TNRC6C: variants seen among roughly 807,000 people sequenced by gnomAD.
TNRC6C encodes trinucleotide repeat containing adaptor 6C, also known as trinucleotide repeat-containing gene 6C protein.
A neutral mutation model predicts 153.7 loss-of-function variants in TNRC6C; 20 were observed. The ratio of observed to expected loss-of-function variants is 0.13; its 90% CI spans 0.09 to 0.19. The LOEUF (loss-of-function observed/expected upper bound fraction) is 0.19, where lower values mean the gene tolerates loss of function less well. Ranked by LOEUF, TNRC6C falls within the 10% of genes least tolerant of loss-of-function variation. TNRC6C has a pLI of 1.00. For synonymous variants in TNRC6C, 811 were observed against 841.4 expected (o/e 0.96, Z 0.63); for missense variants, 1,987 against 2,172.0 (o/e 0.91, Z 1.69).
At position 78,091,434 on chromosome 17, in the gene TNRC6C, C is replaced by A. The variant is rs115245526; in HGVS notation, c.3803-6C>A. The A allele has an allele frequency of 2.4e-3, 3,795 of 1,582,590 alleles. 78 individuals carry two copies. In the African/African-American group the frequency reaches 0.044, roughly 19 times the overall value. On this transcript the variant is annotated splice_region_variant and splice_polypyrimidine_tract_variant and intron_variant, in intron 13 of 19. Coordinates refer to ENST00000301624, the Ensembl canonical transcript of TNRC6C. ...AGGCGAATCCTAACCGCATCTCTCT[C>A]TTTAGCTGGACTGAACCCAAACATG...
At chr17:77,977,197 A>G (rs367815360) in intron 1 of TNRC6C, among the ~76,000 whole-genome samples, 5 of 152,028 alleles carry the variant, frequency 3.3e-5, no homozygotes, top group South Asian at 2.1e-4. Context: ...TTATCTTTTC[A>G]TAAAACTTAG....
At chr17:77,969,699 C>T (rs1372025023) in intron 1 of TNRC6C, among the ~76,000 whole-genome samples, 2 of 151,698 alleles carry the variant, frequency 1.3e-5, no homozygotes, top group Non-Finnish European at 2.9e-5. Context: ...TCTCTGATTT[C>T]TAACTCTGGC....
chr17:78,104,518 G>A lies in TNRC6C; in HGVS notation c.4746G>A (p.Glu1582=), dbSNP rs2073654239. The change falls in exon 20 of 20, where the codon GAG becomes GAA. Residue 1582 remains glutamate (E), a synonymous_variant. Coordinates refer to ENST00000301624, the Ensembl canonical transcript of TNRC6C. This position sits in a 1 kb window ranked among gnomAD's most constrained non-coding sequence, Gnocchi z 6.2. Reference sequence around the variant, plus strand: ...TGGGAAACACTACCATCCTGGCCGAGTTCGCTGGTGAAGAAGAAGTGAATC... The same window carrying A: ...TGGGAAACACTACCATCCTGGCCGAATTCGCTGGTGAAGAAGAAGTGAATC... 6.5e-7 allele frequency: 1 copy of A among 1,527,970 alleles called. No individual in the cohort carries two copies. The highest frequency in any genetic ancestry group is 8.8e-7 in the Non-Finnish European group (1 of 1,133,242). 94.7% of individuals were successfully genotyped at this position (1,527,970 alleles called of 1,614,324 possible). A position where few individuals can be genotyped will look rare whatever the true frequency, so the allele number is the denominator to read the frequency against.
chr17:78,069,729 A>G (rs2072954183), intron 5 of TNRC6C, among the ~76,000 whole-genome samples: 1 of 152,230 alleles, frequency 6.6e-6, no homozygotes, highest in Non-Finnish European at 1.5e-5. Flanking sequence ...CTATCTATGT[A>G]TTGATATGAA....
At chr17:77,989,198 G>A (rs893803936) in intron 1 of TNRC6C, among the ~76,000 whole-genome samples, 2 of 152,182 alleles carry the variant, frequency 1.3e-5, no homozygotes, top group Non-Finnish European at 2.9e-5. Flanking sequence ...CATGTGATTC[G>A]AGTTGGGCAC....
intron 13 of TNRC6C, among the ~76,000 whole-genome samples, chr17:78,091,023 A>G (rs779585928): frequency 2.0e-4 from 31 of 152,350 alleles, no homozygotes; most frequent in Non-Finnish European, 1.9e-4. Flanking sequence ...GAGAAGCCTC[A>G]GGACCATGTT....
At chr17:78,025,309 T>A (rs1235852477) in intron 1 of TNRC6C, among the ~76,000 whole-genome samples, 3 of 152,220 alleles carry the variant, frequency 2.0e-5, no homozygotes, top group African/African-American at 7.2e-5. Context: ...TGTCACGTAG[T>A]TGGAATCAGA....
upstream of TNRC6C, among the ~76,000 whole-genome samples, chr17:77,999,425 T>TTTTG (rs1454524107): frequency 6.6e-6 from 1 of 152,240 alleles, no homozygotes; most frequent in Non-Finnish European, 1.5e-5. Context: ...AACCACCTAC[T>TTTTG]TTTGTTACTT....
At chr17:77,966,542 C>T (rs2070898018) in intron 1 of TNRC6C, among the ~76,000 whole-genome samples, 1 of 152,184 alleles carries the variant, frequency 6.6e-6, no homozygotes, top group African/African-American at 2.4e-5. Flanking sequence ...GCCACAGAGG[C>T]TTTAAATTAA....
At chr17:78,012,472 A>G (rs186480194) in intron 1 of TNRC6C, among the ~76,000 whole-genome samples, 2 of 152,346 alleles carry the variant, frequency 1.3e-5, no homozygotes, top group South Asian at 2.1e-4. Context: ...ACAAACCTTC[A>G]TATGTACCTC....
At chr17:77,995,078 A>G (rs2071307764) in intron 1 of TNRC6C, among the ~76,000 whole-genome samples, 1 of 152,236 alleles carries the variant, frequency 6.6e-6, no homozygotes, top group Admixed American at 6.5e-5. Flanking sequence ...TGGGATTAGA[A>G]TAATGAGGGA....
At chr17:78,086,399 C>T in intron 11 of TNRC6C, 104 bp from the exon 14 acceptor site, 1 of 557,288 alleles carries the variant, frequency 1.8e-6, no homozygotes, top group Non-Finnish European at 3.1e-6. Flanking sequence ...AGAAGAGTGG[C>T]TAGGTTCTCT....
upstream of TNRC6C, chr17:78,004,035 C>A: frequency 8.7e-7 from 1 of 1,152,796 alleles, no homozygotes; most frequent in Non-Finnish European, 1.1e-6. Flanking sequence ...GTGTCCCTTT[C>A]TAGCACCTTC....
chr17:77,968,284 G>A (rs1163623315), intron 1 of TNRC6C, among the ~76,000 whole-genome samples: 1 of 151,624 alleles, frequency 6.6e-6, no homozygotes, highest in Non-Finnish European at 1.5e-5. Flanking sequence ...CGCCCACCTC[G>A]GCCTCCCAAA....
At chr17:77,960,523 C>T (rs1483503750) in intron 1 of TNRC6C, among the ~76,000 whole-genome samples, 2 of 152,168 alleles carry the variant, frequency 1.3e-5, no homozygotes, top group African/African-American at 4.8e-5. Context: ...AGTTGAGACC[C>T]TGGAAACCTG....
intron 2 of TNRC6C, chr17:78,041,129 C>G (rs2072285156): frequency 6.6e-6 from 1 of 152,316 alleles, no homozygotes; most frequent in Admixed American, 6.5e-5. Flanking sequence ...TATTTCCTCA[C>G]CCGTCAGCCC....
intron 1 of TNRC6C, among the ~76,000 whole-genome samples, chr17:77,963,900 C>T (rs1218988220): frequency 6.6e-6 from 1 of 152,136 alleles, no homozygotes; most frequent in African/African-American, 2.4e-5. Flanking sequence ...AATGTTTGCT[C>T]TAGGAAATAA....
chr17:77,981,143 T>G (rs2071071714), intron 1 of TNRC6C, among the ~76,000 whole-genome samples: 2 of 152,140 alleles, frequency 1.3e-5, no homozygotes, highest in South Asian at 4.1e-4. Context: ...GCTAGGCTAA[T>G]TTTTTAAAAA....
At position 78,104,696 on chromosome 17, in the gene TNRC6C, G is replaced by T; in HGVS notation, c.4924G>T (p.Gly1642Trp). The T allele has an allele frequency of 6.5e-7, 1 of 1,540,698 alleles. No homozygotes were observed. The change falls in exon 20 of 20, where the codon GGG becomes TGG. Residue 1642 changes from glycine to tryptophan, a missense_variant. By Grantham distance (184) the Gly-to-Trp change is radical. Transcript: ENST00000301624. The surrounding 1 kb of genome is among the most constrained non-coding windows in gnomAD (Gnocchi z 6.2). ...GAACGCCCCGTGCCTGGGTGGCAAG[G>T]GGAGCAGTGAGCTGCTGTGGGGCGG...
Sources: gnomAD v4.1 joint callset for allele counts (sites outside exome capture counted in the v4.1 genomes callset) on GRCh38, gnomAD v4.1.1 for gene constraint, Gnocchi (gnomAD v3.1) non-coding constraint, MANE v1.5 for transcripts, NCBI Gene and HGNC (gene_info 2026-07-23, HGNC 2026-07-21) for gene names.